Variants in CYP2C8 observed in about 807,000 individuals in gnomAD.
The protein encoded by CYP2C8 is cytochrome P450 family 2 subfamily C member 8, also known as cytochrome P450 2C8.
CYP2C8 carries 51 observed loss-of-function variants against 41.3 expected under a neutral mutation model. The observed-to-expected ratio is 1.24, with a 90% confidence interval of 0.99 to 1.56. The LOEUF is 1.56. Among genes scored for constraint, CYP2C8 ranks in the 40% most tolerant of loss-of-function variants. CYP2C8 has a pLI of 0.00. For missense variants in CYP2C8, 651 were observed against 579.9 expected, an observed-to-expected ratio of 1.12 and a Z score of -1.26; for synonymous variants, 218 against 205.8, an observed-to-expected ratio of 1.06 and a Z score of -0.51.
rs369591911 is a variant in CYP2C8, at chr10:95,067,318, C to T, written c.371G>A (p.Arg124Gln). ...SSNGKRWKEI[R>Q]RFSLTTLRNF... Reference sequence around the variant, plus strand: ...CCGCAAGGTTGTGAGGGAGAAACGCCGGATCTCCTTCCATCTCTTTCCATT... The same window carrying T: ...CCGCAAGGTTGTGAGGGAGAAACGCTGGATCTCCTTCCATCTCTTTCCATT... Residue 124 changes from arginine (R) to glutamine (Q), a missense_variant, in exon 3 of 9, where the codon CGG becomes CAG. Physicochemically the swap from Arg to Gln is conservative, Grantham distance 43 (BLOSUM62 1). Transcript: ENST00000371270. 2.9e-5 allele frequency: 46 copies of T among 1,613,936 alleles called. No homozygotes were observed. Among genetic ancestry groups the T allele is most frequent in the East Asian group, 6.7e-5 (3 of 44,876 alleles).
chr10:95,045,749 A>G lies in CYP2C8; in HGVS notation c.961+61T>C. The G allele has an allele frequency of 1.9e-6, 3 of 1,598,892 alleles. 1 individual carries two copies. The highest frequency in any genetic ancestry group is 1.7e-4 in the Middle Eastern group (1 of 5,982). ...CTCTGAGAGAAACAAGGTGGAGGAT[A>G]CTGGCACCATCTTCTCAGCATTGTT... On this transcript the variant is annotated intron_variant, in intron 6 of 8. Coordinates refer to ENST00000371270, the MANE Select transcript of CYP2C8 (RefSeq NM_000770.3).
rs2134410381 is a variant in CYP2C8 at position 95,042,926 on chromosome 10, G to A, written c.1113C>T (p.Thr371=). Residue 371 remains threonine (T), a synonymous_variant, in exon 7 of 9, where the codon ACC becomes ACT. Coordinates refer to ENST00000371270, the MANE Select transcript of CYP2C8 (RefSeq NM_000770.3). ...GGTAGTTTCTGAACTTAGTATCAGTGGTCACTGCATGGGGCACACCGGTGG... is the reference window on the plus strand; with the variant it reads ...GGTAGTTTCTGAACTTAGTATCAGTAGTCACTGCATGGGGCACACCGGTGG... ...LVPTGVPHAV[T]TDTKFRNYLI... The A allele has an allele frequency of 6.2e-7, 1 of 1,614,046 alleles. No individual in the cohort carries two copies. Among genetic ancestry groups the A allele is most frequent in the East Asian group, 2.2e-5 (1 of 44,890 alleles).
intron 4 of CYP2C8, among the ~76,000 whole-genome samples, chr10:95,061,615 A>G (rs1245357501): frequency 1.3e-5 from 2 of 152,052 alleles, no homozygotes; most frequent in Non-Finnish European, 2.9e-5. Flanking sequence ...GATTTTTTGA[A>G]GGGTTTTTTG....
In CYP2C8 at chr10:95,069,219, C is replaced by T. The variant is rs2033630107; in HGVS notation, c.168+16G>A. On this transcript the variant is annotated intron_variant, in intron 1 of 8. Transcript: ENST00000371270. ...TACCCTTTGCAATTGGCTGGAGGAA[C>T]ATAAGGCAGACTTACATTGGTGAAA... is the stretch of plus-strand genomic sequence containing the variant. 1 of 1,613,932 alleles carries T rather than the reference C, an allele frequency of 6.2e-7. No individual in the cohort carries two copies.
chr10:95,044,757 A>G (rs2033075947), intron 6 of CYP2C8, among the ~76,000 whole-genome samples: 1 of 152,152 alleles, frequency 6.6e-6, no homozygotes, highest in Non-Finnish European at 1.5e-5. Context: ...AAAAGGAGTT[A>G]TGGAGGAAAC....
At chr10:95,042,733 C>A (rs186219558) in intron 7 of CYP2C8, among the ~76,000 whole-genome samples, 157 bp downstream of exon 7, 1 of 152,304 alleles carries the variant, frequency 6.6e-6, no homozygotes, top group African/African-American at 2.4e-5. Context: ...CTTTATAAAT[C>A]TTTATAGCCC....
At chr10:95,045,742 G>A in intron 6 of CYP2C8, 68 bp downstream of exon 6, 1 of 1,582,180 alleles carries the variant, frequency 6.3e-7, no homozygotes, top group Middle Eastern at 1.7e-4. Flanking sequence ...GAAACAAGGT[G>A]GAGGATACTG....
chr10:95,067,084 C>T (rs768346996), intron 3 of CYP2C8, 124 bp downstream of exon 3: 17 of 1,352,618 alleles, frequency 1.3e-5, no homozygotes, highest in Middle Eastern at 2.3e-4. Flanking sequence ...TCTCCCTCCA[C>T]CACCTGAGGG....
chr10:95,041,472 G>A (rs1226909332), intron 7 of CYP2C8, among the ~76,000 whole-genome samples: 3 of 152,206 alleles, frequency 2.0e-5, no homozygotes, highest in Non-Finnish European at 4.4e-5. Context: ...CCAGAAGGAA[G>A]TTACTGGCTT....
chr10:95,060,210 T>A (rs2033397729), intron 4 of CYP2C8, among the ~76,000 whole-genome samples: 1 of 151,998 alleles, frequency 6.6e-6, no homozygotes, highest in African/African-American at 2.4e-5. Flanking sequence ...GGGGATGGCA[T>A]TGAATCTATA....
At chr10:95,064,004 G>C (rs574821532) in intron 4 of CYP2C8, among the ~76,000 whole-genome samples, 35 of 152,268 alleles carry the variant, frequency 2.3e-4, no homozygotes, top group African/African-American at 7.9e-4. Context: ...TGTCTCAGAG[G>C]GGTACCCAGC....
intron 1 of CYP2C8, chr10:95,068,669 C>G (rs756701385): frequency 1.7e-6 from 2 of 1,211,532 alleles, no homozygotes; most frequent in South Asian, 1.3e-5. Flanking sequence ...AAACTTTTGC[C>G]ACTGTATTAA....
chr10:95,053,782 G>A (rs1245592871), intron 5 of CYP2C8, among the ~76,000 whole-genome samples: 1 of 152,104 alleles, frequency 6.6e-6, no homozygotes, highest in Non-Finnish European at 1.5e-5. Context: ...GGGAGCAAGG[G>A]GAGGGAGAGC....
chr10:95,060,063 G>C (rs908241143), intron 4 of CYP2C8, among the ~76,000 whole-genome samples: 7 of 152,196 alleles, frequency 4.6e-5, no homozygotes, highest in Admixed American at 4.6e-4. Context: ...AGAATAGTTT[G>C]AAGTCAGGTA....
At chr10:95,041,841 TGG>T (rs2033007996) in intron 7 of CYP2C8, among the ~76,000 whole-genome samples, 1 of 150,286 alleles carries the variant, frequency 6.7e-6, no homozygotes, top group Non-Finnish European at 1.5e-5. Flanking sequence ...CAAGGTGCTC[TGG>T]GCTCTGCTCC....
chr10:95,068,523 A>G (rs2033615868), intron 1 of CYP2C8: 8 of 1,098,494 alleles, frequency 7.3e-6, no homozygotes, highest in Admixed American at 4.7e-5. Context: ...AATTTTCATG[A>G]CCATTCTGAA....
intron 7 of CYP2C8, among the ~76,000 whole-genome samples, chr10:95,042,235 GAT>G (rs2033017468): frequency 6.6e-6 from 1 of 151,944 alleles, no homozygotes; most frequent in Non-Finnish European, 1.5e-5. Flanking sequence ...TGGAAAATAA[GAT>G]ATAAAATACA....
At chr10:95,060,418 G>A (rs2033403032) in intron 4 of CYP2C8, among the ~76,000 whole-genome samples, 1 of 152,160 alleles carries the variant, frequency 6.6e-6, no homozygotes, top group Admixed American at 6.5e-5. Flanking sequence ...GTGAATGGAA[G>A]TTCACTCATG....
intron 2 of CYP2C8, 48 bp downstream of exon 2, chr10:95,067,481 C>T: frequency 1.2e-6 from 2 of 1,613,176 alleles, no homozygotes; most frequent in Non-Finnish European, 8.5e-7. Flanking sequence ...TGTTTTCCAT[C>T]CCCCTCACCC....
Sources: gnomAD v4.1 joint callset for allele counts (sites outside exome capture counted in the v4.1 genomes callset) on GRCh38, gnomAD v4.1.1 for gene constraint, MANE v1.5 for transcripts, NCBI Gene and HGNC (gene_info 2026-07-23, HGNC 2026-07-21) for gene names.